Variants in TUBGCP5 observed in about 807,000 individuals in gnomAD.
TUBGCP5 encodes the protein gamma-tubulin complex component 5.
Under a neutral mutation model 134.7 loss-of-function variants are expected in TUBGCP5, and 98 were observed. The observed-to-expected ratio is 0.73, with a 90% confidence interval of 0.62 to 0.86. The LOEUF (loss-of-function observed/expected upper bound fraction) is 0.86, where lower values mean the gene tolerates loss of function less well. Ranked by LOEUF, TUBGCP5 falls within the 40% of genes least tolerant of loss-of-function variation. The pLI, the probability that TUBGCP5 is intolerant of heterozygous loss-of-function variation, is 0.00. For missense variants in TUBGCP5, 1,150 were observed against 1,244.8 expected (o/e 0.92, Z 1.15); for synonymous variants, 456 against 431.4 (o/e 1.06, Z -0.71).
chr15:23,008,257 C>T (rs1322423216), intron 16 of TUBGCP5, among the ~76,000 whole-genome samples: 1 of 151,956 alleles, frequency 6.6e-6, no homozygotes, highest in African/African-American at 2.4e-5. Flanking sequence ...ACATAGCTAG[C>T]CTCTGCCTCA....
At chr15:23,007,942 A>G (rs936731292) in intron 16 of TUBGCP5, among the ~76,000 whole-genome samples, 5 of 152,086 alleles carry the variant, frequency 3.3e-5, no homozygotes, top group African/African-American at 1.2e-4. Flanking sequence ...GCCAGTTCTG[A>G]GAGGTCAGGG....
At chr15:23,005,284 G>T in intron 19 of TUBGCP5, 148 bp downstream of exon 19, 1 of 885,768 alleles carries the variant, frequency 1.1e-6, no homozygotes, top group Non-Finnish European at 1.7e-6. Flanking sequence ...TCCTCCCACT[G>T]CCATGTTATT....
intron 23 of TUBGCP5, among the ~76,000 whole-genome samples, chr15:22,987,610 G>C (rs1028108743): frequency 3.3e-5 from 5 of 151,570 alleles, no homozygotes; most frequent in Admixed American, 2.6e-4. Context: ...AGACACCCCA[G>C]AGGGGGCCAG....
chr15:23,021,261 A>G (rs1417753838), intron 11 of TUBGCP5, among the ~76,000 whole-genome samples: 2 of 152,138 alleles, frequency 1.3e-5, no homozygotes, highest in Admixed American at 1.3e-4. Context: ...GTGAGCCACT[A>G]TGCATGGCCT....
At chr15:23,025,246 C>T (rs2140583282) in intron 8 of TUBGCP5, among the ~76,000 whole-genome samples, 1 of 152,004 alleles carries the variant, frequency 6.6e-6, no homozygotes, top group East Asian at 1.9e-4. Context: ...GCAAAAAGGT[C>T]AGATAATAAG....
chr15:23,005,990 C>A (rs2064691779), intron 18 of TUBGCP5, 62 bp downstream of exon 18: 1 of 1,494,550 alleles, frequency 6.7e-7, no homozygotes, highest in African/African-American at 1.4e-5. Flanking sequence ...TCCCATTAAC[C>A]TCTTTTATTA....
chr15:23,021,477 T>C (rs1244064798), intron 11 of TUBGCP5, among the ~76,000 whole-genome samples: 1 of 152,180 alleles, frequency 6.6e-6, no homozygotes, highest in Non-Finnish European at 1.5e-5. Flanking sequence ...CCACTGTGCC[T>C]GACCCTCAGC....
At chr15:23,030,105 G>A (rs1368555663) in intron 6 of TUBGCP5, among the ~76,000 whole-genome samples, 1 of 152,114 alleles carries the variant, frequency 6.6e-6, no homozygotes, top group South Asian at 2.1e-4. Context: ...TGAGGTGGGA[G>A]GATCGCTTGA....
At chr15:23,026,426 C>A (rs180843313) in intron 7 of TUBGCP5, among the ~76,000 whole-genome samples, 66 of 152,100 alleles carry the variant, frequency 4.3e-4, no homozygotes, top group Non-Finnish European at 7.5e-4. Flanking sequence ...CTGATTTAGG[C>A]AAATGTTTAC....
chr15:22,990,267 C>T (rs1488644135), intron 23 of TUBGCP5, among the ~76,000 whole-genome samples: 1 of 151,806 alleles, frequency 6.6e-6, no homozygotes, highest in Non-Finnish European at 1.5e-5. Context: ...CCCTCCTCTT[C>T]CATCTCTCTC....
rs939503861 is a variant in TUBGCP5, at chr15:23,010,009, G to A, written c.2080C>T (p.His694Tyr). 4 of 1,614,106 alleles carry A rather than the reference G, an allele frequency of 2.5e-6. No homozygotes were observed. The highest frequency in any genetic ancestry group is 3.4e-6 in the Non-Finnish European group (4 of 1,180,004). The stretch of plus-strand genomic sequence containing the variant: ...CAATCTAGATACTGCTTGTCAATAT[G>A]AGGATAGAGGCAGGATCTCAGCGTT... ...ELTLRSCLYPHIDKQYLDCCG... is the reference protein window; with the variant it reads ...ELTLRSCLYPYIDKQYLDCCG... Residue 694 changes from histidine to tyrosine, a missense_variant, in exon 15 of 23, where the codon CAT becomes TAT. By Grantham distance (83) the His-to-Tyr change is moderately conservative. Around this residue, in one of 2 missense-constraint regions of TUBGCP5, gnomAD observed 697 missense variants for 850.1 expected, o/e 0.82. Transcript: ENST00000615383.
rs991549087 is a variant in TUBGCP5 at position 23,024,802 on chromosome 15, T to C, written c.856A>G (p.Ile286Val). Residue 286 changes from isoleucine (I) to valine (V), a missense_variant, in exon 9 of 23, where the codon ATA becomes GTA. Ile to Val is a conservative substitution (Grantham distance 29). This residue lies in a region of TUBGCP5 where 453 missense variants were observed against 394.7 expected (regional missense o/e 1.15). Coordinates refer to ENST00000615383, the MANE Select transcript of TUBGCP5 (RefSeq NM_052903.6). The part of the protein sequence containing the change: ...WLLSGVKKLF[I>V]FQLIDGKVTV... ...ACCTTCCCATCTATCAACTGAAATA[T>C]AAAGAGCTTTTTCACTCCTGAAAGT... 1 of 1,597,650 alleles carries C rather than the reference T, an allele frequency of 6.3e-7. No homozygotes were observed. The highest frequency in any genetic ancestry group is 8.6e-7 in the Non-Finnish European group (1 of 1,169,256).
intron 21 of TUBGCP5, among the ~76,000 whole-genome samples, chr15:23,001,653 C>CTTTT (rs59087813): frequency 7.0e-6 from 1 of 142,682 alleles, no homozygotes; most frequent in Non-Finnish European, 1.5e-5. Context: ...TTCTTTCTTT[C>CTTTT]TTTTTTTTTT....
At chr15:22,986,724 T>C (rs974415835) in intron 23 of TUBGCP5, among the ~76,000 whole-genome samples, 5 of 146,806 alleles carry the variant, frequency 3.4e-5, no homozygotes, top group Non-Finnish European at 7.5e-5. Flanking sequence ...GGCAACAGAA[T>C]GAGACTCTGT....
At chr15:23,005,706 C>G in intron 18 of TUBGCP5, 96 bp from the exon 19 acceptor site, 2 of 1,327,312 alleles carry the variant, frequency 1.5e-6, no homozygotes, top group Non-Finnish European at 2.1e-6. Context: ...GGATGTGGTC[C>G]TGGCACCACA....
At position 23,006,367 on chromosome 15, in the gene TUBGCP5, T is replaced by G. The variant is rs751589878; in HGVS notation, c.2328-15A>C. 3 of 1,579,046 alleles carry G rather than the reference T, an allele frequency of 1.9e-6. No homozygotes were observed. Among genetic ancestry groups the G allele is most frequent in the East Asian group, 4.5e-5 (2 of 44,634 alleles). On this transcript the variant is annotated splice_polypyrimidine_tract_variant and intron_variant, in intron 16 of 22. Coordinates refer to ENST00000615383, the MANE Select transcript of TUBGCP5 (RefSeq NM_052903.6). The stretch of plus-strand genomic sequence containing the variant: ...ATATAGATAGACTAAAGAAAGAAAT[T>G]CCAGTTTTAGTTTGTGAAAGCACTA...
Position 23,005,621 on chromosome 15 carries a change from T to A in TUBGCP5, c.2534-11A>T, listed in dbSNP as rs76351885. 3,001 of 1,608,020 alleles carry A rather than the reference T, an allele frequency of 1.9e-3. 21 individuals are homozygous for A. The African/African-American group carries it at 0.024, about 13-fold the overall frequency. On this transcript the variant is annotated splice_polypyrimidine_tract_variant and intron_variant, in intron 18 of 22. Coordinates refer to ENST00000615383, the MANE Select transcript of TUBGCP5 (RefSeq NM_052903.6). Reference sequence around the variant, plus strand: ...CAGTACTAACCAGTTCTATAAAACATTGGAAGAGCAAAGTGGACAGAAAGA... The same window carrying A: ...CAGTACTAACCAGTTCTATAAAACAATGGAAGAGCAAAGTGGACAGAAAGA...
At chr15:23,012,796 C>T (rs950117238) in intron 13 of TUBGCP5, among the ~76,000 whole-genome samples, 6 of 152,260 alleles carry the variant, frequency 3.9e-5, no homozygotes, top group Middle Eastern at 3.4e-3. Context: ...AAGGGCTAAA[C>T]GCTGCATTGC....
intron 23 of TUBGCP5, among the ~76,000 whole-genome samples, chr15:22,991,033 C>T (rs2063829083): frequency 6.6e-6 from 1 of 152,160 alleles, no homozygotes; most frequent in Admixed American, 6.5e-5. Context: ...TTGTTTTAAG[C>T]CACCAGGTTT....
Sources: allele counts gnomAD v4.1 joint callset (sites outside exome capture counted in the v4.1 genomes callset), GRCh38; gene constraint gnomAD v4.1.1; regional missense constraint gnomAD v4.1.1; transcripts MANE v1.5; gene names NCBI Gene and HGNC (gene_info 2026-07-23, HGNC 2026-07-21).